KIF26B: variants seen among roughly 807,000 people sequenced by gnomAD.
KIF26B encodes the protein kinesin-like protein KIF26B.
KIF26B carries 63 observed loss-of-function variants against 151.2 expected under a neutral mutation model. That is an observed-to-expected ratio of 0.42 (90% CI 0.34 to 0.51). The LOEUF (loss-of-function observed/expected upper bound fraction) is 0.51, where lower values mean the gene tolerates loss of function less well. Among genes scored for constraint, KIF26B ranks in the 20% least tolerant of loss-of-function variants. The pLI is 0.07. For synonymous variants in KIF26B, 1,357 were observed against 1,262.1 expected (o/e 1.08, Z -1.59); for missense variants, 2,813 against 2,913.6 (o/e 0.97, Z 0.79).
chr1:245,189,672 C>T (rs541386653), intron 2 of KIF26B, among the ~76,000 whole-genome samples: 8 of 152,142 alleles, frequency 5.3e-5, no homozygotes, highest in Non-Finnish European at 7.3e-5. Flanking sequence ...TAGAACCTTG[C>T]GCCTTCTCTG....
chr1:245,400,244 A>G (rs1673962218), intron 3 of KIF26B, among the ~76,000 whole-genome samples: 1 of 152,158 alleles, frequency 6.6e-6, no homozygotes, highest in African/African-American at 2.4e-5. Flanking sequence ...GACTGGTAAC[A>G]TTTTCTAATG....
At chr1:245,591,607 G>T (rs1346120460) in intron 5 of KIF26B, among the ~76,000 whole-genome samples, 1 of 152,192 alleles carries the variant, frequency 6.6e-6, no homozygotes, top group South Asian at 2.1e-4. Flanking sequence ...CTCTGACAGC[G>T]AGTGTCACTG....
rs2044834501 is a variant in KIF26B, at chr1:245,705,863, C to T, written c.*3257C>T. 6.6e-6 allele frequency: 1 copy of T among 152,228 alleles called. No individual in the cohort carries two copies. Among genetic ancestry groups the T allele is most frequent in the Admixed American group, 6.5e-5 (1 of 15,284 alleles). The allele number at this position is 152,228 out of a possible 1,614,324, so 9.4% of individuals were successfully genotyped here. A position where few individuals can be genotyped will look rare whatever the true frequency, so the allele number is the denominator to read the frequency against. Reference sequence around the variant, plus strand: ...CTTTGATCTTGTTGTCCTTGAATTCCCCTCTACATCACGAGGAAGCTGTCT... The same window carrying T: ...CTTTGATCTTGTTGTCCTTGAATTCTCCTCTACATCACGAGGAAGCTGTCT... On this transcript the variant is annotated 3_prime_UTR_variant, in exon 15 of 15. Coordinates refer to ENST00000407071, the MANE Select transcript of KIF26B (RefSeq NM_018012.4).
rs2044571861 is a variant in KIF26B, at chr1:245,688,503, G to C, written c.5520G>C (p.Glu1840Asp). The C allele has an allele frequency of 3.4e-6, 5 of 1,488,136 alleles. No homozygotes were observed. The highest frequency in any genetic ancestry group is 2.2e-5 in the Admixed American group (1 of 45,118). 92.2% of individuals were successfully genotyped at this position (1,488,136 alleles called of 1,614,324 possible). A position where few individuals can be genotyped will look rare whatever the true frequency, so the allele number is the denominator to read the frequency against. The change falls in exon 12 of 15, where the codon GAG becomes GAC. Residue 1840 changes from glutamate to aspartate, a missense_variant. Coordinates refer to ENST00000407071, the MANE Select transcript of KIF26B (RefSeq NM_018012.4). Reference sequence around the variant, plus strand: ...GCGGGGGGGCCCTGGCCGAGGACGAGCCCGCGGCCGCGCACCTGCTCCCGT... The same window carrying C: ...GCGGGGGGGCCCTGGCCGAGGACGACCCCGCGGCCGCGCACCTGCTCCCGT... Reference protein sequence around the residue: ...EARGGALAEDEPAAAHLLPSP... With the variant: ...EARGGALAEDDPAAAHLLPSP...
At chr1:245,494,005 A>G (rs576617581) in intron 4 of KIF26B, among the ~76,000 whole-genome samples, 1 of 137,996 alleles carries the variant, frequency 7.2e-6, no homozygotes, top group Admixed American at 7.0e-5. Flanking sequence ...TGCTAAGTGG[A>G]AAAAAAAAAA....
Position 245,685,780 on chromosome 1 carries a change from C to T in KIF26B, c.2797C>T (p.Leu933=). ...CACGTTTGCCGAGCTGCAGGAGAGG[C>T]TGGACTGCATCGACGGCAGCGAGGA... ...CNTFAELQER[L]DCIDGSEEPS... The change falls in exon 12 of 15, where the codon CTG becomes TTG. Residue 933 remains leucine (L), a synonymous_variant. Transcript: ENST00000407071. 2 of 1,611,308 alleles carry T rather than the reference C, an allele frequency of 1.2e-6. No homozygotes were observed. Among genetic ancestry groups the T allele is most frequent in the Non-Finnish European group, 8.5e-7 (1 of 1,178,622 alleles).
chr1:245,402,575 G>A (rs532709268), intron 3 of KIF26B, among the ~76,000 whole-genome samples: 1 of 152,288 alleles, frequency 6.6e-6, no homozygotes, highest in South Asian at 2.1e-4. Context: ...GAGTGAGTGC[G>A]ATCCGTGAAC....
At chr1:245,174,005 C>T (rs1668760487) in intron 2 of KIF26B, among the ~76,000 whole-genome samples, 1 of 152,200 alleles carries the variant, frequency 6.6e-6, no homozygotes. Context: ...ATTGAGCCGG[C>T]AAATCAGTCT....
chr1:245,602,791 T>C lies in KIF26B; in HGVS notation c.1557+8T>C. On this transcript the variant is annotated splice_region_variant and intron_variant, in intron 6 of 14. Coordinates refer to ENST00000407071, the MANE Select transcript of KIF26B (RefSeq NM_018012.4). This position sits in a 1 kb window ranked among gnomAD's most constrained non-coding sequence, Gnocchi z 4.5. ...CCACAAGACGCTTCTCAGGTGGGTA[T>C]CAGCCCCCTCTCAGGCTCAGGCAAC... 2 of 1,612,496 alleles carry C rather than the reference T, an allele frequency of 1.2e-6. No individual in the cohort carries two copies. The highest frequency in any genetic ancestry group is 8.5e-7 in the Non-Finnish European group (1 of 1,179,486).
At chr1:245,633,533 G>A (rs1245947984) in intron 9 of KIF26B, among the ~76,000 whole-genome samples, 1 of 151,784 alleles carries the variant, frequency 6.6e-6, no homozygotes, top group Non-Finnish European at 1.5e-5. Flanking sequence ...CTCTCCCAGT[G>A]AGTTTTTCAG....
chr1:245,476,189 A>G (rs1401266147), intron 4 of KIF26B, among the ~76,000 whole-genome samples: 1 of 151,906 alleles, frequency 6.6e-6, no homozygotes, highest in Non-Finnish European at 1.5e-5. Flanking sequence ...GTTTATATGA[A>G]ATGTCCAAAA....
chr1:245,261,503 CCCTCCCT>C (rs1670643699), intron 2 of KIF26B, among the ~76,000 whole-genome samples: 108 of 110,600 alleles, frequency 9.8e-4, no homozygotes, highest in African/African-American at 4.2e-3. Context: ...CTCTCTCTCT[CCCTCCCT>C]CCCTCCCTCC....
intron 2 of KIF26B, among the ~76,000 whole-genome samples, chr1:245,320,368 C>T (rs1671864105): frequency 6.6e-6 from 1 of 152,166 alleles, no homozygotes; most frequent in African/African-American, 2.4e-5. Flanking sequence ...ATGAAAAGTA[C>T]AGAATTCCCA....
rs540009873 is a variant in KIF26B at position 245,654,007 on chromosome 1, A to G, written c.2258+7727A>G. ...GAACCCAGGAGGTTGAGGCTGCAGTAAGCTATGATCGTATCACTGCACTCC... is the reference window on the plus strand; with the variant it reads ...GAACCCAGGAGGTTGAGGCTGCAGTGAGCTATGATCGTATCACTGCACTCC... On this transcript the variant is annotated intron_variant, in intron 10 of 14. Transcript: ENST00000407071. 1.1e-4 allele frequency among the ~76,000 whole-genome samples: 17 copies of G among 152,266 alleles called. No homozygotes were observed. The East Asian group carries it at 3.3e-3, about 29-fold the overall frequency.
At chr1:245,549,961 T>C (rs1278412777) in intron 5 of KIF26B, among the ~76,000 whole-genome samples, 1 of 152,140 alleles carries the variant, frequency 6.6e-6, no homozygotes, top group East Asian at 1.9e-4. Flanking sequence ...TGTTTTTTAG[T>C]AGAGAGGGGG....
chr1:245,349,352 A>G (rs1270035709), intron 2 of KIF26B, among the ~76,000 whole-genome samples: 1 of 152,192 alleles, frequency 6.6e-6, no homozygotes, highest in African/African-American at 2.4e-5. Flanking sequence ...ATTGTAATAA[A>G]AGATCCCAGA....
intron 2 of KIF26B, among the ~76,000 whole-genome samples, chr1:245,292,157 G>A (rs1235761952): frequency 6.6e-6 from 1 of 152,234 alleles, no homozygotes; most frequent in African/African-American, 2.4e-5. Context: ...GTGTGAGGAA[G>A]AAAGCAATCC....
chr1:245,705,832 T>A lies in KIF26B; in HGVS notation c.*3226T>A, dbSNP rs1301303629. Reference sequence around the variant, plus strand: ...GGGCTTTCAGTTCCCACCTGCGAGCTGCAAACTTTGATCTTGTTGTCCTTG... The same window carrying A: ...GGGCTTTCAGTTCCCACCTGCGAGCAGCAAACTTTGATCTTGTTGTCCTTG... On this transcript the variant is annotated 3_prime_UTR_variant, in exon 15 of 15. Transcript: ENST00000407071. 1.3e-5 allele frequency: 2 copies of A among 152,224 alleles called. No individual in the cohort carries two copies. The highest frequency in any genetic ancestry group is 4.8e-5 in the African/African-American group (2 of 41,454). 9.4% of individuals were successfully genotyped at this position (152,224 alleles called of 1,614,324 possible).
intron 4 of KIF26B, among the ~76,000 whole-genome samples, chr1:245,437,011 C>G (rs1002187636): frequency 6.6e-6 from 1 of 151,830 alleles, no homozygotes; most frequent in African/African-American, 2.4e-5. Context: ...CTCAACCTCC[C>G]AAGTAGCTGG....
Sources: gnomAD v4.1 joint callset for allele counts (sites outside exome capture counted in the v4.1 genomes callset) on GRCh38, gnomAD v4.1.1 for gene constraint, Gnocchi (gnomAD v3.1) non-coding constraint, MANE v1.5 for transcripts, NCBI Gene and HGNC (gene_info 2026-07-23, HGNC 2026-07-21) for gene names.